Variants in LTN1 observed in about 807,000 individuals in gnomAD.
The protein encoded by LTN1 is E3 ubiquitin-protein ligase listerin.
LTN1 carries 88 observed loss-of-function variants against 201.2 expected under a neutral mutation model. The observed-to-expected ratio is 0.44, with a 90% CI of 0.37 to 0.52. The LOEUF (loss-of-function observed/expected upper bound fraction) is 0.52, where lower values mean the gene tolerates loss of function less well. Among genes scored for constraint, LTN1 ranks in the 20% least tolerant of loss-of-function variants. The pLI is 0.00. For synonymous variants in LTN1, 645 were observed against 713.5 expected (o/e 0.90, Z 1.53); for missense variants, 1,752 against 2,038.7 (o/e 0.86, Z 2.71).
chr21:28,941,150 G>A, intron 25 of LTN1, 70 bp downstream of exon 25: 1 of 998,486 alleles, frequency 1.0e-6, no homozygotes, highest in Non-Finnish European at 1.5e-6. Context: ...AAACTGAAAG[G>A]AAGGTATTTA....
At chr21:28,941,177 A>G (rs2084294307) in intron 25 of LTN1, 43 bp downstream of exon 25, 3 of 1,369,702 alleles carry the variant, frequency 2.2e-6, no homozygotes, top group Non-Finnish European at 3.1e-6. Flanking sequence ...TATCAGAAGC[A>G]TATTAGGACA....
chr21:28,978,081 TGCAGTGGCACAATCATG>T (rs2084630610), intron 6 of LTN1, among the ~76,000 whole-genome samples: 1 of 151,808 alleles, frequency 6.6e-6, no homozygotes, highest in South Asian at 2.1e-4. Context: ...TAGGCTGGAG[TGCAGTGGCACAATCATG>T]GCTCGCTGCA....
At chr21:28,954,098 T>A (rs1008751561) in intron 16 of LTN1, among the ~76,000 whole-genome samples, 2 of 152,202 alleles carry the variant, frequency 1.3e-5, no homozygotes, top group African/African-American at 4.8e-5. Context: ...ATCTGACTAA[T>A]GAGCTCGATA....
chr21:28,941,300 T>C lies in LTN1; in HGVS notation c.4402A>G (p.Ser1468Gly), dbSNP rs956597844. ...CCCAGAACATAACAGAAGTCTTCAC[T>C]CAGTGGTTTAATAGTAACTATCTGT... ...VGQIVTIKPL[S>G]EDFCYVLGYL... The change falls in exon 25 of 30, where the codon AGT becomes GGT. Residue 1468 changes from serine to glycine, a missense_variant. Ser to Gly is a moderately conservative substitution (Grantham distance 56). Coordinates refer to ENST00000361371, the MANE Select transcript of LTN1 (RefSeq NM_015565.3). 1 of 1,613,298 alleles carries C rather than the reference T, an allele frequency of 6.2e-7. No individual in the cohort carries two copies. Among genetic ancestry groups the C allele is most frequent in the Admixed American group, 1.7e-5 (1 of 59,994 alleles).
At chr21:28,955,922 CAAAAAAAAAAAA>C (rs772350234) in intron 16 of LTN1, among the ~76,000 whole-genome samples, 2 of 69,632 alleles carry the variant, frequency 2.9e-5, no homozygotes, top group African/African-American at 9.8e-5. Flanking sequence ...GACTCTGTCT[CAAAAAAAAAAAA>C]AAAAAAAAAA....
At chr21:28,977,615 C>A (rs957802441) in intron 6 of LTN1, among the ~76,000 whole-genome samples, 1 of 151,928 alleles carries the variant, frequency 6.6e-6, no homozygotes, top group African/African-American at 2.4e-5. Context: ...CCCAGCTACT[C>A]GGGAGGCTGA....
intron 6 of LTN1, among the ~76,000 whole-genome samples, chr21:28,973,357 A>G (rs2146306094): frequency 6.6e-6 from 1 of 151,506 alleles, no homozygotes; most frequent in South Asian, 2.1e-4. Flanking sequence ...AAAAAAAAAA[A>G]AAAAAAAAAA....
chr21:28,963,838 T>C (rs1419801217), intron 11 of LTN1, among the ~76,000 whole-genome samples: 1 of 152,058 alleles, frequency 6.6e-6, no homozygotes, highest in African/African-American at 2.4e-5. Context: ...TTAATAGGAG[T>C]TGAGAAGCTG....
At chr21:28,987,006 G>A in intron 1 of LTN1, 72 bp from the exon 2 acceptor site, 2 of 975,178 alleles carry the variant, frequency 2.1e-6, no homozygotes, top group Non-Finnish European at 3.2e-6. Flanking sequence ...TAATTCCTTG[G>A]CTATTCCCAT....
At chr21:28,941,486 G>A in intron 24 of LTN1, 80 bp from the exon 25 acceptor site, 1 of 1,171,128 alleles carries the variant, frequency 8.5e-7, no homozygotes, top group Non-Finnish European at 1.2e-6. Context: ...TAAACTTCAA[G>A]CATTTTAGAA....
chr21:28,946,084 G>A, intron 20 of LTN1, 68 bp downstream of exon 20: 3 of 1,476,594 alleles, frequency 2.0e-6, no homozygotes, highest in Non-Finnish European at 1.8e-6. Context: ...ACAAAATTGT[G>A]ACACAGATAC....
intron 6 of LTN1, among the ~76,000 whole-genome samples, chr21:28,975,091 C>G (rs2084604623): frequency 6.6e-6 from 1 of 152,108 alleles, no homozygotes; most frequent in African/African-American, 2.4e-5. Flanking sequence ...CCAAGAGCCA[C>G]AAAAATGTGG....
chr21:28,935,839 CAAA>C (rs1190416524), intron 26 of LTN1, among the ~76,000 whole-genome samples: 1 of 78,904 alleles, frequency 1.3e-5, no homozygotes, highest in Admixed American at 1.3e-4. Context: ...GACTCCGTCT[CAAA>C]AAAAAAAAAA....
At position 28,977,706 on chromosome 21, in the gene LTN1, G is replaced by A. The variant is rs536978557; in HGVS notation, c.810+3413C>T. ...CCACTATACTCCAGTCCAAGTGACC[G>A]AGTGAAACTCTGTCTCAAGAAAACA... is the stretch of plus-strand genomic sequence containing the variant. On this transcript the variant is annotated intron_variant, in intron 6 of 29. Coordinates refer to ENST00000361371, the MANE Select transcript of LTN1 (RefSeq NM_015565.3). 4.6e-5 allele frequency among the ~76,000 whole-genome samples: 7 copies of A among 152,172 alleles called. No homozygotes were observed. In the South Asian group the frequency reaches 6.2e-4, roughly 14 times the overall value.
At chr21:28,952,412 C>A in intron 17 of LTN1, 148 bp from the exon 18 acceptor site, 1 of 510,508 alleles carries the variant, frequency 2.0e-6, no homozygotes, top group Non-Finnish European at 3.5e-6. Context: ...ACCCAAGCAA[C>A]TGCCAGTAAT....
At chr21:28,932,184 T>C (rs2084215965) in intron 28 of LTN1, among the ~76,000 whole-genome samples, 1 of 152,170 alleles carries the variant, frequency 6.6e-6, no homozygotes, top group African/African-American at 2.4e-5. Context: ...ATCTGTCCAG[T>C]ATCTTTCAAA....
chr21:28,975,776 G>C (rs975643461), intron 6 of LTN1, among the ~76,000 whole-genome samples: 28 of 152,290 alleles, frequency 1.8e-4, no homozygotes, highest in African/African-American at 6.5e-4. Context: ...GCTGGTAGGA[G>C]TACTACAACT....
chr21:28,943,983 GTC>G (rs2084317390), intron 22 of LTN1, 79 bp from the exon 23 acceptor site: 357 of 853,116 alleles, frequency 4.2e-4, no homozygotes, highest in Middle Eastern at 7.2e-4. Context: ...ACAATCAAAT[GTC>G]ATTTAAGAAA....
chr21:28,932,407 T>C (rs2084217829), intron 28 of LTN1, 63 bp downstream of exon 28: 17 of 1,250,038 alleles, frequency 1.4e-5, no homozygotes, highest in Non-Finnish European at 1.9e-5. Context: ...TATGTTTAAA[T>C]GCCCTTTTAA....
Sources: gnomAD v4.1 joint callset for allele counts (sites outside exome capture counted in the v4.1 genomes callset) on GRCh38, gnomAD v4.1.1 for gene constraint, MANE v1.5 for transcripts, NCBI Gene and HGNC (gene_info 2026-07-23, HGNC 2026-07-21) for gene names.